Variants in PRKCH observed in about 807,000 individuals in gnomAD.
The protein encoded by PRKCH is protein kinase C eta type.
In PRKCH, 28 loss-of-function variants were observed where a neutral mutation model predicts 82.5. The observed-to-expected ratio is 0.34, with a 90% CI of 0.25 to 0.47. The LOEUF (loss-of-function observed/expected upper bound fraction) is 0.47. Ranked by LOEUF, PRKCH falls within the 20% of genes least tolerant of loss-of-function variation. PRKCH has a pLI of 1.00. For missense variants in PRKCH, 705 were observed against 881.8 expected (o/e 0.80, Z 2.54); for synonymous variants, 322 against 327.4 (o/e 0.98, Z 0.18).
At chr14:61,525,594 C>T (rs958898606) in intron 10 of PRKCH, 2 of 152,246 alleles carry the variant, frequency 1.3e-5, no homozygotes, top group African/African-American at 4.8e-5. Context: ...CTGCGCGATT[C>T]CTGCTGCCCA....
rs969999534 is a variant in PRKCH at position 61,359,030 on chromosome 14, T to C, written c.364-32195T>C. Among the ~76,000 whole-genome samples, 4 of 152,230 alleles carry C rather than the reference T, an allele frequency of 2.6e-5. 1 individual carries two copies. Among genetic ancestry groups the C allele is most frequent in the African/African-American group, 9.6e-5 (4 of 41,468 alleles). Reference sequence around the variant, plus strand: ...ATGCACTTACCACGTTGGATCATAATCTATTTATGTGTCTTTCCTCCCAGC... The same window carrying C: ...ATGCACTTACCACGTTGGATCATAACCTATTTATGTGTCTTTCCTCCCAGC... On this transcript the variant is annotated intron_variant, in intron 1 of 13. Coordinates refer to ENST00000332981, the MANE Select transcript of PRKCH (RefSeq NM_006255.5).
At chr14:61,505,424 T>TTTTTTTTTTTTTTTTTTTTTTTTTTTG (rs1887105886) in intron 10 of PRKCH, among the ~76,000 whole-genome samples, 1 of 86,184 alleles carries the variant, frequency 1.2e-5, no homozygotes, top group Non-Finnish European at 2.4e-5. Flanking sequence ...TTTTTTTTTT[T>TTTTTTTTTTTTTTTTTTTTTTTTTTTG]GAGGTGGAGT....
chr14:61,496,510 C>T (rs1886675092), intron 10 of PRKCH, among the ~76,000 whole-genome samples: 1 of 152,206 alleles, frequency 6.6e-6, no homozygotes, highest in Non-Finnish European at 1.5e-5. Flanking sequence ...CTTGCAGTCT[C>T]ATCTTAGTCA....
chr14:61,349,678 T>G (rs1405887359), intron 1 of PRKCH, among the ~76,000 whole-genome samples: 1 of 152,060 alleles, frequency 6.6e-6, no homozygotes, highest in Non-Finnish European at 1.5e-5. Context: ...CTGGCCAACA[T>G]GGTGAAACCC....
chr14:61,283,422 G>A (rs940203664), intron 1 of PRKCH, among the ~76,000 whole-genome samples: 3 of 152,212 alleles, frequency 2.0e-5, no homozygotes, highest in Non-Finnish European at 2.9e-5. Context: ...AGGAATTATG[G>A]GGTTTGACTT....
At chr14:61,329,232 G>GTTTTTTTTTTTTTTTT (rs369546229) in intron 1 of PRKCH, among the ~76,000 whole-genome samples, 1 of 16,130 alleles carries the variant, frequency 6.2e-5, no homozygotes, top group Admixed American at 9.8e-4. Context: ...AAACTCCTGA[G>GTTTTTTTTTTTTTTTT]TCTTTTTTTT....
intron 10 of PRKCH, among the ~76,000 whole-genome samples, chr14:61,506,843 T>C (rs559786226): frequency 6.6e-6 from 1 of 152,260 alleles, no homozygotes; most frequent in East Asian, 1.9e-4. Flanking sequence ...ACTGTTTTCT[T>C]TGAAGGTGAA....
chr14:61,245,929 C>T (rs1283607008), intron 1 of PRKCH, among the ~76,000 whole-genome samples: 3 of 152,186 alleles, frequency 2.0e-5, no homozygotes, highest in Non-Finnish European at 4.4e-5. Flanking sequence ...TTCTGTTTCT[C>T]AGTCATACCC....
intron 9 of PRKCH, among the ~76,000 whole-genome samples, chr14:61,480,349 G>A (rs1249053809): frequency 6.6e-6 from 1 of 152,156 alleles, no homozygotes; most frequent in Non-Finnish European, 1.5e-5. Flanking sequence ...AATTGAATTT[G>A]TGAAGCATGA....
intron 1 of PRKCH, among the ~76,000 whole-genome samples, chr14:61,239,652 A>C (rs1481926509): frequency 6.6e-6 from 1 of 152,204 alleles, no homozygotes; most frequent in Non-Finnish European, 1.5e-5. Flanking sequence ...GGCTCTGGGG[A>C]GAATCTTTCA....
intron 12 of PRKCH, among the ~76,000 whole-genome samples, chr14:61,546,203 GAACT>G (rs1230818600): frequency 2.0e-5 from 3 of 152,184 alleles, no homozygotes; most frequent in African/African-American, 7.2e-5. Flanking sequence ...CAAGCAGTGT[GAACT>G]AACTCCTAGC....
At chr14:61,399,927 T>G (rs1246606478) in intron 2 of PRKCH, among the ~76,000 whole-genome samples, 1 of 152,220 alleles carries the variant, frequency 6.6e-6, no homozygotes, top group African/African-American at 2.4e-5. Flanking sequence ...TGCTAAAACC[T>G]TGAATTGTTC....
At chr14:61,456,915 C>G (rs543038499) in intron 7 of PRKCH, 1 of 363,564 alleles carries the variant, frequency 2.8e-6, no homozygotes, top group Non-Finnish European at 5.1e-6. Flanking sequence ...TTTCCATGCA[C>G]TTCCACTTGA....
intron 1 of PRKCH, among the ~76,000 whole-genome samples, chr14:61,205,957 C>G (rs976986456): frequency 2.6e-5 from 4 of 152,196 alleles, no homozygotes; most frequent in Non-Finnish European, 5.9e-5. Context: ...CATCACCTCT[C>G]TAATACATCA....
chr14:61,427,857 A>G (rs1323152841), intron 2 of PRKCH, among the ~76,000 whole-genome samples: 1 of 151,930 alleles, frequency 6.6e-6, no homozygotes, highest in African/African-American at 2.4e-5. Flanking sequence ...GAGTGCTGCA[A>G]TTACAGGCAT....
intron 1 of PRKCH, among the ~76,000 whole-genome samples, chr14:61,338,672 C>A (rs2045889919): frequency 6.6e-6 from 1 of 152,170 alleles, no homozygotes; most frequent in East Asian, 1.9e-4. Flanking sequence ...CTAGGTACAA[C>A]TGTGACCTTG....
intron 1 of PRKCH, among the ~76,000 whole-genome samples, chr14:61,246,271 G>A (rs2044881928): frequency 6.6e-6 from 1 of 150,994 alleles, no homozygotes; most frequent in Non-Finnish European, 1.5e-5. Flanking sequence ...AGCCAGGTGT[G>A]GTGGCACGTG....
chr14:61,439,327 A>T (rs944069417), intron 2 of PRKCH, among the ~76,000 whole-genome samples: 1 of 152,114 alleles, frequency 6.6e-6, no homozygotes. Context: ...CCTTTTGCTC[A>T]TGGCAGCAGT....
intron 1 of PRKCH, among the ~76,000 whole-genome samples, chr14:61,291,078 C>G (rs1594894261): frequency 6.6e-6 from 1 of 152,158 alleles, no homozygotes; most frequent in East Asian, 1.9e-4. Flanking sequence ...AGATAATATG[C>G]CAAGTACAGC....
Sources: gnomAD v4.1 joint callset for allele counts (sites outside exome capture counted in the v4.1 genomes callset) on GRCh38, gnomAD v4.1.1 for gene constraint, MANE v1.5 for transcripts, NCBI Gene and HGNC (gene_info 2026-07-23, HGNC 2026-07-21) for gene names.